UNK: variants seen among roughly 807,000 people sequenced by gnomAD.
UNK encodes RING finger protein unkempt homolog.
In UNK, 32 loss-of-function variants were observed where a neutral mutation model predicts 97.6. The ratio of observed to expected loss-of-function variants is 0.33; its 90% CI spans 0.25 to 0.44. UNK has a LOEUF of 0.44. Ranked by LOEUF, UNK falls within the 20% of genes least tolerant of loss-of-function variation. The probability of loss-of-function intolerance (pLI) is 1.00; values close to 1 mark genes in which losing one functional copy is unlikely to be tolerated. For missense variants in UNK, 771 were observed against 1,098.4 expected (o/e 0.70, Z 4.21); for synonymous variants, 441 against 461.2 (o/e 0.96, Z 0.56).
intron 1 of UNK, among the ~76,000 whole-genome samples, chr17:75,805,145 C>T (rs568064470): frequency 1.3e-5 from 2 of 149,936 alleles, no homozygotes; most frequent in African/African-American, 2.5e-5. Context: ...TGCGCCACTG[C>T]ACTCCAGCCT....
intron 13 of UNK, 75 bp downstream of exon 13, chr17:75,820,183 C>A: frequency 6.9e-7 from 1 of 1,448,348 alleles, no homozygotes; most frequent in Non-Finnish European, 9.4e-7. Context: ...CTGGCCACCC[C>A]ATCTACGGCA....
chr17:75,812,386 G>A (rs937041623), intron 3 of UNK, 69 bp from the exon 4 acceptor site: 1 of 1,584,400 alleles, frequency 6.3e-7, no homozygotes, highest in Non-Finnish European at 8.6e-7. Context: ...TGCAGTGGAG[G>A]GCTGGCACTC....
chr17:75,805,230 C>A (rs184384512), intron 1 of UNK, among the ~76,000 whole-genome samples: 452 of 150,354 alleles, frequency 3.0e-3, no homozygotes, highest in Non-Finnish European at 4.9e-3. Context: ...CACAGTGAAA[C>A]CCCATCTCTA....
chr17:75,812,402 C>A, intron 3 of UNK, 53 bp from the exon 4 acceptor site: 1 of 1,589,234 alleles, frequency 6.3e-7, no homozygotes, highest in South Asian at 1.1e-5. Flanking sequence ...CACTCTGGTT[C>A]TTGCCCCCTC....
At chr17:75,797,954 A>G (rs2061821519) in intron 1 of UNK, among the ~76,000 whole-genome samples, 1 of 151,918 alleles carries the variant, frequency 6.6e-6, no homozygotes, top group Non-Finnish European at 1.5e-5. Context: ...TCTTGCCTAT[A>G]TGTCTCTGTA....
At chr17:75,790,254 G>A (rs560513056) in intron 1 of UNK, among the ~76,000 whole-genome samples, 220 of 152,044 alleles carry the variant, frequency 1.4e-3, no homozygotes, top group South Asian at 6.7e-3. Flanking sequence ...CCGAGATCTC[G>A]CCACTGCCCT....
chr17:75,809,833 A>C lies in UNK; in HGVS notation c.178A>C (p.Thr60Pro), dbSNP rs1599378377. 1 of 1,613,734 alleles carries C rather than the reference A, an allele frequency of 6.2e-7. No homozygotes were observed. The highest frequency in any genetic ancestry group is 8.5e-7 in the Non-Finnish European group (1 of 1,179,850). The change falls in exon 2 of 16, where the codon ACC (threonine) becomes CCC (proline). Residue 60 changes from threonine to proline, a missense_variant. This residue lies in a region of UNK where 246 missense variants were observed against 440.7 expected (regional missense o/e 0.56). Coordinates refer to ENST00000589666, the MANE Select transcript of UNK (RefSeq NM_001080419.3). ...CAAATGCACGCAGCATCGGCCCTACACCTGCTTCCACTGGCACTTCGTGAA... is the reference window on the plus strand; with the variant it reads ...CAAATGCACGCAGCATCGGCCCTACCCCTGCTTCCACTGGCACTTCGTGAA... The part of the protein sequence containing the change: ...QHKCTQHRPY[T>P]CFHWHFVNQR...
At chr17:75,803,792 A>G (rs138087446) in intron 1 of UNK, among the ~76,000 whole-genome samples, 46 of 152,286 alleles carry the variant, frequency 3.0e-4, no homozygotes, top group African/African-American at 1.1e-3. Context: ...TTTTCTTTCA[A>G]CTTTTTGAGC....
At chr17:75,797,497 A>G (rs556286437) in intron 1 of UNK, among the ~76,000 whole-genome samples, 1 of 152,360 alleles carries the variant, frequency 6.6e-6, no homozygotes, top group Non-Finnish European at 1.5e-5. Flanking sequence ...GGCTGTCCGA[A>G]GTGCTGGGAT....
At chr17:75,815,057 G>A (rs147645780) in intron 6 of UNK, 112 bp from the exon 7 acceptor site, 18,159 of 918,912 alleles carry the variant, frequency 0.02, 258 homozygotes, top group Non-Finnish European at 0.026. Flanking sequence ...GGGAGGGGCC[G>A]GGAACACAGG....
rs550618861 is a variant in UNK at position 75,786,578 on chromosome 17, C to T, written c.104+1594C>T. On this transcript the variant is annotated intron_variant, in intron 1 of 15. Transcript: ENST00000589666. ...TTTGTTTAAAACCTGTCTTTCCTGC[C>T]GGGCGTGGTAGCTCTCACGCCTGTA... is the stretch of plus-strand genomic sequence containing the variant. Among the ~76,000 whole-genome samples, 13 of 152,226 alleles carry T rather than the reference C, an allele frequency of 8.5e-5. No homozygotes were observed. The East Asian group carries it at 2.5e-3, about 29-fold the overall frequency.
At chr17:75,794,023 C>T (rs2061784291) in intron 1 of UNK, 3 of 985,156 alleles carry the variant, frequency 3.0e-6, no homozygotes, top group Non-Finnish European at 3.6e-6. Flanking sequence ...ATCTGGTGAC[C>T]TGTCACTTCA....
In UNK at chr17:75,809,747, G is replaced by A; in HGVS notation, c.105-13G>A. 2.5e-6 allele frequency: 4 copies of A among 1,593,978 alleles called. No homozygotes were observed. The highest frequency in any genetic ancestry group is 3.4e-6 in the Non-Finnish European group (4 of 1,170,858). ...CTGCTCCCGGCCTGCCCCACGCGGG[G>A]CTCTCTCTGCAGGTACCTGAAAGAA... On this transcript the variant is annotated splice_polypyrimidine_tract_variant and intron_variant, in intron 1 of 15. Transcript: ENST00000589666.
chr17:75,812,800 G>A (rs1774984091), intron 4 of UNK, among the ~76,000 whole-genome samples: 1 of 152,256 alleles, frequency 6.6e-6, no homozygotes. Flanking sequence ...ATGTGCACAG[G>A]CACGTACATA....
At chr17:75,808,073 A>G (rs989607789) in intron 1 of UNK, among the ~76,000 whole-genome samples, 1 of 152,098 alleles carries the variant, frequency 6.6e-6, no homozygotes, top group African/African-American at 2.4e-5. Flanking sequence ...TCCCTCTTTC[A>G]GGAAAGTTCC....
intron 5 of UNK, 80 bp downstream of exon 5, chr17:75,813,293 C>T: frequency 6.8e-7 from 1 of 1,478,498 alleles, no homozygotes; most frequent in East Asian, 2.5e-5. Context: ...CCCACTGGCT[C>T]TCCGGGAGGA....
intron 1 of UNK, among the ~76,000 whole-genome samples, chr17:75,788,420 C>T (rs2061733205): frequency 6.6e-6 from 1 of 152,018 alleles, no homozygotes; most frequent in Non-Finnish European, 1.5e-5. Context: ...CCTCGTGATC[C>T]GCCCACCTTG....
intron 1 of UNK, among the ~76,000 whole-genome samples, chr17:75,804,677 A>G (rs1015170239): frequency 1.3e-5 from 2 of 151,220 alleles, no homozygotes; most frequent in African/African-American, 4.9e-5. Flanking sequence ...TGTCTCTACT[A>G]AAAAATACAA....
chr17:75,785,216 G>A, intron 1 of UNK: 1 of 501,708 alleles, frequency 2.0e-6, no homozygotes, highest in South Asian at 2.8e-5. Flanking sequence ...GAGTGGGGAA[G>A]GCGGGAGCTC....
Sources: gnomAD v4.1 joint callset for allele counts (sites outside exome capture counted in the v4.1 genomes callset) on GRCh38, gnomAD v4.1.1 for gene constraint, gnomAD v4.1.1 regional missense constraint, MANE v1.5 for transcripts, NCBI Gene and HGNC (gene_info 2026-07-23, HGNC 2026-07-21) for gene names.